CHRNA7: variants seen among roughly 807,000 people sequenced by gnomAD.
The protein encoded by CHRNA7 is neuronal acetylcholine receptor subunit alpha-7.
Under a neutral mutation model 48.0 loss-of-function variants are expected in CHRNA7, and 17 were observed. The ratio of observed to expected loss-of-function variants is 0.35; its 90% CI spans 0.24 to 0.53. CHRNA7 has a LOEUF of 0.53. Among genes scored for constraint, CHRNA7 ranks in the 20% least tolerant of loss-of-function variants. The probability of loss-of-function intolerance (pLI) is 0.92; values close to 1 mark genes in which losing one functional copy is unlikely to be tolerated. For synonymous variants in CHRNA7, 75 were observed against 242.3 expected, an observed-to-expected ratio of 0.31 and a Z score of 6.41; for missense variants, 155 against 577.7, an observed-to-expected ratio of 0.27 and a Z score of 7.50.
chr15:32,115,699 GA>G (rs2050858391), intron 4 of CHRNA7, among the ~76,000 whole-genome samples: 1 of 152,116 alleles, frequency 6.6e-6, no homozygotes, highest in South Asian at 2.1e-4. Context: ...CGTAGAAAAG[GA>G]TTCCTGTCCA....
At chr15:32,113,501 T>C (rs1461033255) in intron 4 of CHRNA7, among the ~76,000 whole-genome samples, 5 of 152,162 alleles carry the variant, frequency 3.3e-5, no homozygotes, top group African/African-American at 4.8e-5. Context: ...GTTGAAGAAG[T>C]CTCCGTGTTA....
rs1267949225 is a variant in CHRNA7, at chr15:32,170,725, T to G, written c.*2267T>G. 1 of 110,938 alleles carries G rather than the reference T, an allele frequency of 9.0e-6. No homozygotes were observed. The highest frequency in any genetic ancestry group is 2.0e-5 in the Non-Finnish European group (1 of 50,058). 6.9% of individuals were successfully genotyped at this position (110,938 alleles called of 1,614,324 possible). A position where few individuals can be genotyped will look rare whatever the true frequency, so the allele number is the denominator to read the frequency against. ...AAACAACAGTCTCCCATACTGCCTG[T>G]TTTCTCTCTCAGAGGGGACCACTAA... On this transcript the variant is annotated 3_prime_UTR_variant, in exon 10 of 10. Transcript: ENST00000306901.
chr15:32,080,616 TGG>T, intron 2 of CHRNA7, among the ~76,000 whole-genome samples: 1 of 152,190 alleles, frequency 6.6e-6, no homozygotes, highest in Non-Finnish European at 1.5e-5. Context: ...CCAGTCAGAA[TGG>T]CGATTATTAA....
intron 2 of CHRNA7, among the ~76,000 whole-genome samples, chr15:32,049,831 G>C (rs1413017309): frequency 6.6e-6 from 1 of 152,040 alleles, no homozygotes; most frequent in African/African-American, 2.4e-5. Context: ...AGCTCTTTTA[G>C]GGCAGGCCTG....
intron 2 of CHRNA7, among the ~76,000 whole-genome samples, chr15:32,047,381 C>T (rs985513993): frequency 6.6e-6 from 1 of 150,730 alleles, no homozygotes; most frequent in African/African-American, 2.5e-5. Context: ...TGAAGAGGTC[C>T]TTCACATCCC....
intron 4 of CHRNA7, among the ~76,000 whole-genome samples, chr15:32,136,241 A>G (rs2141326699): frequency 6.6e-6 from 1 of 152,328 alleles, no homozygotes; most frequent in East Asian, 1.9e-4. Context: ...CTGTAGTCCC[A>G]GCACTTTGGG....
intron 2 of CHRNA7, among the ~76,000 whole-genome samples, chr15:32,073,830 C>G (rs543129694): frequency 5.6e-4 from 86 of 152,292 alleles, no homozygotes; most frequent in Middle Eastern, 3.4e-3. Context: ...GAGGCTTCAC[C>G]AGAAGCAGAT....
At chr15:32,106,745 A>G (rs2050676090) in intron 3 of CHRNA7, among the ~76,000 whole-genome samples, 1 of 152,194 alleles carries the variant, frequency 6.6e-6, no homozygotes, top group African/African-American at 2.4e-5. Flanking sequence ...AATTGTGACC[A>G]TTCTCCTGGC....
intron 4 of CHRNA7, among the ~76,000 whole-genome samples, chr15:32,114,077 C>T (rs11638464): frequency 0.01 from 967 of 93,480 alleles, 10 homozygotes; most frequent in African/African-American, 0.034. Context: ...TATATATATA[C>T]ACATACATAC....
At chr15:32,036,085 T>G (rs1487435100) in intron 2 of CHRNA7, among the ~76,000 whole-genome samples, 3 of 152,244 alleles carry the variant, frequency 2.0e-5, no homozygotes, top group Non-Finnish European at 2.9e-5. Context: ...CTCTCCCTGC[T>G]TATCACTACC....
intron 4 of CHRNA7, among the ~76,000 whole-genome samples, chr15:32,152,652 G>T (rs1455161223): frequency 6.6e-6 from 1 of 152,172 alleles, no homozygotes; most frequent in Non-Finnish European, 1.5e-5. Flanking sequence ...GACTCTTCCT[G>T]GTTGACTTTT....
At chr15:32,098,973 C>A (rs1595444292) in intron 2 of CHRNA7, 1 of 151,470 alleles carries the variant, frequency 6.6e-6, no homozygotes, top group Non-Finnish European at 1.5e-5. Flanking sequence ...AAGCATAATG[C>A]TGGGGACAGG....
At chr15:32,135,724 A>T (rs2141325686) in intron 4 of CHRNA7, among the ~76,000 whole-genome samples, 1 of 152,324 alleles carries the variant, frequency 6.6e-6, no homozygotes, top group East Asian at 1.9e-4. Flanking sequence ...TCAGGAGATA[A>T]AAGTCTGAGG....
chr15:32,078,296 A>G (rs1435711544), intron 2 of CHRNA7, among the ~76,000 whole-genome samples: 1 of 152,196 alleles, frequency 6.6e-6, no homozygotes, highest in East Asian at 1.9e-4. Context: ...AGTCATCACC[A>G]TACCAAAGTC....
intron 4 of CHRNA7, among the ~76,000 whole-genome samples, chr15:32,132,770 C>A (rs1039027608): frequency 2.6e-5 from 4 of 152,162 alleles, no homozygotes; most frequent in Admixed American, 1.3e-4. Flanking sequence ...CTGATTTAAC[C>A]CTGGTCAGCT....
At position 32,047,820 on chromosome 15, in the gene CHRNA7, C is replaced by T. The variant is rs182444666; in HGVS notation, c.195+16783C>T. On this transcript the variant is annotated intron_variant, in intron 2 of 9. Transcript: ENST00000306901. ...TTGACTGTGGGTTTGTCATAGATAG[C>T]TCTTATTATTTTGAGATACATCCCA... is the stretch of plus-strand genomic sequence containing the variant. Among the ~76,000 whole-genome samples the T allele has an allele frequency of 9.2e-3, 1,402 of 152,202 alleles. 27 individuals are homozygous for T. Among genetic ancestry groups the T allele is most frequent in the African/African-American group, 0.032 (1,334 of 41,508 alleles).
intron 3 of CHRNA7, among the ~76,000 whole-genome samples, chr15:32,103,985 C>G (rs2050618494): frequency 6.6e-6 from 1 of 152,118 alleles, no homozygotes; most frequent in African/African-American, 2.4e-5. Flanking sequence ...GGTGTCATCT[C>G]TCACCTCCAT....
rs565733494 is a variant in CHRNA7, at chr15:32,036,107, T to C, written c.195+5070T>C. ...TGCTTATCACTACCTTCACCACAGC[T>C]CTTGGCAGCCGCTGACCTTTTGTTG... is the stretch of plus-strand genomic sequence containing the variant. On this transcript the variant is annotated intron_variant, in intron 2 of 9. Transcript: ENST00000306901. Among the ~76,000 whole-genome samples, 100 of 152,328 alleles carry C rather than the reference T, an allele frequency of 6.6e-4. No individual in the cohort carries two copies. In the South Asian group the frequency reaches 0.02, roughly 30 times the overall value.
At chr15:32,154,862 AC>A in intron 5 of CHRNA7, among the ~76,000 whole-genome samples, 3 of 31,588 alleles carry the variant, frequency 9.5e-5, no homozygotes, top group Non-Finnish European at 1.1e-4. Context: ...CACCCCTCAC[AC>A]ACACCACTCA....
Sources: allele counts gnomAD v4.1 joint callset (sites outside exome capture counted in the v4.1 genomes callset), GRCh38; gene constraint gnomAD v4.1.1; transcripts MANE v1.5; gene names NCBI Gene and HGNC (gene_info 2026-07-23, HGNC 2026-07-21).